The following CLCN6 variants were observed in gnomAD, a reference collection of about 807,000 sequenced individuals.
The protein encoded by CLCN6 is Cl-/H+ antiporter 6.
Under a neutral mutation model 109.8 loss-of-function variants are expected in CLCN6, and 70 were observed. That is an observed-to-expected ratio of 0.64 (90% confidence interval 0.53 to 0.78). The LOEUF (loss-of-function observed/expected upper bound fraction) is 0.78, where lower values mean the gene tolerates loss of function less well. Ranked by LOEUF, CLCN6 falls within the 30% of genes least tolerant of loss-of-function variation. The probability of loss-of-function intolerance (pLI) is 0.00; values close to 1 mark genes in which losing one functional copy is unlikely to be tolerated. For synonymous variants in CLCN6, 444 were observed against 447.8 expected, an observed-to-expected ratio of 0.99 and a Z score of 0.11; for missense variants, 984 against 1,142.3, an observed-to-expected ratio of 0.86 and a Z score of 2.00.
chr1:11,807,618 T>G (rs1305392640), intron 2 of CLCN6, among the ~76,000 whole-genome samples: 1 of 152,226 alleles, frequency 6.6e-6, no homozygotes, highest in Non-Finnish European at 1.5e-5. Context: ...TCTGACATGT[T>G]CTTGATTAAG....
At chr1:11,818,136 G>T (rs1644698176) in intron 4 of CLCN6, among the ~76,000 whole-genome samples, 1 of 151,900 alleles carries the variant, frequency 6.6e-6, no homozygotes, top group Non-Finnish European at 1.5e-5. Context: ...AAATCTCAGG[G>T]TATTTATTTT....
Position 11,819,602 on chromosome 1 carries a change from A to G in CLCN6, c.346+48A>G, listed in dbSNP as rs753169542. The G allele has an allele frequency of 4.6e-6, 7 of 1,526,998 alleles. No homozygotes were observed. In the Admixed American group the frequency reaches 1.0e-4, roughly 22 times the overall value. 94.6% of individuals were successfully genotyped at this position (1,526,998 alleles called of 1,614,324 possible). Reference sequence around the variant, plus strand: ...TGTTCGTGGACTTCAGTGGTCACCAAGATTCTTTCTTACATAGAAATGGGT... The same window carrying G: ...TGTTCGTGGACTTCAGTGGTCACCAGGATTCTTTCTTACATAGAAATGGGT... On this transcript the variant is annotated intron_variant, in intron 5 of 22. Coordinates refer to ENST00000346436, the MANE Select transcript of CLCN6 (RefSeq NM_001286.5).
In CLCN6 at chr1:11,834,074, G is replaced by A; in HGVS notation, c.1526+44G>A. On this transcript the variant is annotated intron_variant, in intron 15 of 22. Coordinates refer to ENST00000346436, the MANE Select transcript of CLCN6 (RefSeq NM_001286.5). The surrounding 1 kb of genome is among the most constrained non-coding windows in gnomAD (Gnocchi z 4.5). Reference sequence around the variant, plus strand: ...TGTGTGTGCGCATGTGCATGTGTGTGCACGTGTGCGTGTGTATGCATGTGT... The same window carrying A: ...TGTGTGTGCGCATGTGCATGTGTGTACACGTGTGCGTGTGTATGCATGTGT... 1 of 1,606,172 alleles carries A rather than the reference G, an allele frequency of 6.2e-7. No homozygotes were observed. The highest frequency in any genetic ancestry group is 1.1e-5 in the South Asian group (1 of 90,384).
At chr1:11,820,077 C>A (rs541766840) in intron 5 of CLCN6, among the ~76,000 whole-genome samples, 1 of 152,362 alleles carries the variant, frequency 6.6e-6, no homozygotes, top group South Asian at 2.1e-4. Context: ...GAAGCAGAAG[C>A]TGGTCCTCAC....
chr1:11,834,285 G>T lies in CLCN6; in HGVS notation c.1576G>T (p.Ala526Ser). 6.2e-7 allele frequency: 1 copy of T among 1,614,112 alleles called. No homozygotes were observed. The highest frequency in any genetic ancestry group is 8.5e-7 in the Non-Finnish European group (1 of 1,180,028). ...TTCGGGGACCTTTGCCCTGATTGGT[G>T]CAGCGGCTTTCTTGGGCGGGGTGGT... Reference protein sequence around the residue: ...IYSGTFALIGAAAFLGGVVRM... With the variant: ...IYSGTFALIGSAAFLGGVVRM... Residue 526 changes from alanine to serine, a missense_variant, in exon 16 of 23, where the codon GCA becomes TCA. Coordinates refer to ENST00000346436, the MANE Select transcript of CLCN6 (RefSeq NM_001286.5). The surrounding 1 kb of genome is among the most constrained non-coding windows in gnomAD (Gnocchi z 4.5).
At chr1:11,824,370 A>C in intron 7 of CLCN6, 116 bp from the exon 8 acceptor site, 1 of 682,306 alleles carries the variant, frequency 1.5e-6, no homozygotes, top group Non-Finnish European at 2.4e-6. Context: ...TTCTCTTATA[A>C]AGTCTTAGGA....
At chr1:11,825,432 T>C (rs2100636007) in intron 8 of CLCN6, among the ~76,000 whole-genome samples, 1 of 152,364 alleles carries the variant, frequency 6.6e-6, no homozygotes. Flanking sequence ...TTCCTGGCGC[T>C]GCTGAGCAGA....
intron 13 of CLCN6, among the ~76,000 whole-genome samples, chr1:11,831,122 C>T (rs1224599574): frequency 1.3e-5 from 2 of 151,802 alleles, no homozygotes; most frequent in African/African-American, 4.8e-5. Flanking sequence ...TGTGTCACCA[C>T]GCCCAGCCTG....
At position 11,827,105 on chromosome 1, in the gene CLCN6, G is replaced by T. The variant is rs1246083817; in HGVS notation, c.724G>T (p.Val242Leu). Residue 242 changes from valine to leucine, a missense_variant, in exon 10 of 23, where the codon GTA (valine) becomes TTA (leucine). Val to Leu is a conservative substitution (Grantham distance 32). Transcript: ENST00000346436. ...FRSDRDKRDF[V>L]SAGAAAGVAA... ...TCTCCTCAGAGACAAGAGAGACTTT[G>T]TATCAGCAGGAGCGGCTGCTGGAGT... 1 of 1,613,910 alleles carries T rather than the reference G, an allele frequency of 6.2e-7. No homozygotes were observed. The highest frequency in any genetic ancestry group is 8.5e-7 in the Non-Finnish European group (1 of 1,179,894).
At chr1:11,837,252 G>C in intron 19 of CLCN6, 91 bp from the exon 20 acceptor site, 4 of 1,585,842 alleles carry the variant, frequency 2.5e-6, no homozygotes, top group Non-Finnish European at 3.4e-6. Context: ...TGAGTTTCCT[G>C]GGAAAGTTGG....
rs1285623238 is a variant in CLCN6 at position 11,812,113 on chromosome 1, C to CA, written c.148-3722dup. ...TGGGTGACAGAGAAAGACCCCATCT[C>CA]AAAAAAAAAAAGTAGTAGGTTGTCA... On this transcript the variant is annotated intron_variant, in intron 2 of 22. Coordinates refer to ENST00000346436, the MANE Select transcript of CLCN6 (RefSeq NM_001286.5). Among the ~76,000 whole-genome samples the CA allele has an allele frequency of 3.8e-4, 55 of 144,172 alleles. No homozygotes were observed. The East Asian group carries it at 4.0e-3, about 10-fold the overall frequency. The allele number at this position is 144,172 out of a possible 152,430, so 94.6% of individuals were successfully genotyped here.
chr1:11,807,349 A>G (rs572291283), intron 2 of CLCN6, among the ~76,000 whole-genome samples, 159 bp downstream of exon 2: 20 of 152,344 alleles, frequency 1.3e-4, no homozygotes, highest in South Asian at 4.1e-4. Context: ...CTGTTTAGCA[A>G]GCCCTTTTCT....
chr1:11,836,286 C>T, intron 18 of CLCN6, 133 bp downstream of exon 18: 1 of 755,680 alleles, frequency 1.3e-6, no homozygotes, highest in Non-Finnish European at 2.1e-6. Context: ...GTTCTCATCA[C>T]ATGCGACAGG....
At position 11,840,270 on chromosome 1, in the gene CLCN6, G is replaced by A. The variant is rs773115958; in HGVS notation, c.*47G>A. 10 of 1,508,020 alleles carry A rather than the reference G, an allele frequency of 6.6e-6. No homozygotes were observed. The highest frequency in any genetic ancestry group is 9.2e-6 in the Non-Finnish European group (10 of 1,090,596). The allele number at this position is 1,508,020 out of a possible 1,614,324, so 93.4% of individuals were successfully genotyped here. A position where few individuals can be genotyped will look rare whatever the true frequency, so the allele number is the denominator to read the frequency against. On this transcript the variant is annotated 3_prime_UTR_variant, in exon 23 of 23. Coordinates refer to ENST00000346436, the MANE Select transcript of CLCN6 (RefSeq NM_001286.5). ...GGTGCTGCCTGGGGAGGCAAATCAT[G>A]CTCACTCCGGCGGGCACAGCTGGCT...
At chr1:11,817,496 A>G (rs1430318828) in intron 4 of CLCN6, among the ~76,000 whole-genome samples, 2 of 152,224 alleles carry the variant, frequency 1.3e-5, no homozygotes, top group Non-Finnish European at 2.9e-5. Flanking sequence ...TCACAGGTGA[A>G]TCAAAGACAA....
chr1:11,834,109 C>T lies in CLCN6; in HGVS notation c.1526+79C>T, dbSNP rs542984669. 1.1e-4 allele frequency: 177 copies of T among 1,591,260 alleles called. 1 individual carries two copies. In the African/African-American group the frequency reaches 1.7e-3, roughly 15 times the overall value. On this transcript the variant is annotated intron_variant, in intron 15 of 22. Transcript: ENST00000346436. The surrounding 1 kb of genome is among the most constrained non-coding windows in gnomAD (Gnocchi z 4.5). Reference sequence around the variant, plus strand: ...GTGTGTATGCATGTGTGTGCGTGTGCGTGCGTTGATGTGTCTGTGCCCATG... The same window carrying T: ...GTGTGTATGCATGTGTGTGCGTGTGTGTGCGTTGATGTGTCTGTGCCCATG...
chr1:11,810,038 C>T (rs980174426), intron 2 of CLCN6, among the ~76,000 whole-genome samples: 11 of 152,050 alleles, frequency 7.2e-5, no homozygotes, highest in African/African-American at 2.4e-4. Context: ...TGTATAAAAA[C>T]GTGGGTAAGG....
rs563741228 is a variant in CLCN6 at position 11,836,965 on chromosome 1, C to G, written c.1981-34C>G. The G allele has an allele frequency of 8.4e-5, 134 of 1,602,090 alleles. No homozygotes were observed. In the South Asian group the frequency reaches 1.1e-3, roughly 13 times the overall value. On this transcript the variant is annotated intron_variant, in intron 18 of 22. Transcript: ENST00000346436. Reference sequence around the variant, plus strand: ...ATCAGTACTGCTGTGTTCGTTTGCCCATGCGCAGTAGCCTGTGGCCTCCCC... The same window carrying G: ...ATCAGTACTGCTGTGTTCGTTTGCCGATGCGCAGTAGCCTGTGGCCTCCCC...
chr1:11,833,643 GTGTC>G lies in CLCN6; in HGVS notation c.1372+8_1372+11del. The G allele has an allele frequency of 6.2e-7, 1 of 1,613,078 alleles. No homozygotes were observed. Among genetic ancestry groups the G allele is most frequent in the Non-Finnish European group, 8.5e-7 (1 of 1,179,936 alleles). On this transcript the variant is annotated splice_donor_region_variant and intron_variant, in intron 14 of 22. Transcript: ENST00000346436. ...TCCAGCTCTTCCACCAGGATGGTGA[GTGTC>G]TGCACTGCAGCCCAATCGTGGGTGA...
Sources: gnomAD v4.1 joint callset for allele counts (sites outside exome capture counted in the v4.1 genomes callset) on GRCh38, gnomAD v4.1.1 for gene constraint, Gnocchi (gnomAD v3.1) non-coding constraint, MANE v1.5 for transcripts, NCBI Gene and HGNC (gene_info 2026-07-23, HGNC 2026-07-21) for gene names.